GBE1: variants seen among roughly 807,000 people sequenced by gnomAD.
The protein encoded by GBE1 is 1,4-alpha-glucan branching enzyme 1, also known as 1,4-alpha-glucan-branching enzyme.
GBE1 carries 70 observed loss-of-function variants against 88.8 expected under a neutral mutation model. The ratio of observed to expected loss-of-function variants is 0.79; its 90% CI spans 0.65 to 0.96. The LOEUF is 0.96. Among genes scored for constraint, GBE1 ranks in the 40% least tolerant of loss-of-function variants. The probability of loss-of-function intolerance (pLI) is 0.00; values close to 1 mark genes in which losing one functional copy is unlikely to be tolerated. For synonymous variants in GBE1, 284 were observed against 300.1 expected (o/e 0.95, Z 0.56); for missense variants, 872 against 871.0 (o/e 1.00, Z -0.01).
chr3:81,588,301 A>G (rs1270279653), intron 9 of GBE1, among the ~76,000 whole-genome samples: 4 of 152,154 alleles, frequency 2.6e-5, no homozygotes, highest in Admixed American at 1.3e-4. Context: ...ATTTCCACAG[A>G]CAGGATTGGA....
chr3:81,533,363 A>G (rs972599328), intron 14 of GBE1, among the ~76,000 whole-genome samples: 2 of 152,116 alleles, frequency 1.3e-5, no homozygotes, highest in African/African-American at 4.8e-5. Flanking sequence ...GTAGGCATAA[A>G]GAGACAGACA....
In GBE1 at chr3:81,581,242, T is replaced by A; in HGVS notation, c.1369A>T (p.Met457Leu). 6.2e-7 allele frequency: 1 copy of A among 1,600,782 alleles called. No homozygotes were observed. The highest frequency in any genetic ancestry group is 8.5e-7 in the Non-Finnish European group (1 of 1,175,008). Residue 457 changes from methionine (M) to leucine (L), a missense_variant, in exon 11 of 16, where the codon ATG becomes TTG. Met to Leu is a conservative substitution (Grantham distance 15, BLOSUM62 2). Transcript: ENST00000429644. ...LKEFKDEDWN[M>L]GDIVYTLTNR... The stretch of plus-strand genomic sequence containing the variant: ...GTGAGCGTGTATACTATATCGCCCA[T>A]GTTCCAGTCTTCATCTTTAAACTCT...
intron 2 of GBE1, among the ~76,000 whole-genome samples, chr3:81,685,296 C>T (rs1240937711): frequency 6.6e-6 from 1 of 152,078 alleles, no homozygotes; most frequent in Non-Finnish European, 1.5e-5. Context: ...CTCCTTCAGT[C>T]CGTGAGAAAG....
chr3:81,527,419 C>G (rs1398611897), intron 14 of GBE1, among the ~76,000 whole-genome samples: 3 of 152,134 alleles, frequency 2.0e-5, no homozygotes, highest in Non-Finnish European at 4.4e-5. Flanking sequence ...AAACTACCAT[C>G]AGAGTGAACA....
At chr3:81,750,637 A>ATG (rs1559708805) in intron 1 of GBE1, among the ~76,000 whole-genome samples, 2 of 54,334 alleles carry the variant, frequency 3.7e-5, no homozygotes, top group African/African-American at 2.3e-4. Context: ...ATACGTATAT[A>ATG]TATATATGTA....
chr3:81,726,948 G>A (rs1345551250), intron 1 of GBE1, among the ~76,000 whole-genome samples: 1 of 152,082 alleles, frequency 6.6e-6, no homozygotes, highest in East Asian at 1.9e-4. Context: ...TTTCTGGGGT[G>A]GGGCTGACAT....
At chr3:81,585,519 A>C (rs1342597884) in intron 10 of GBE1, among the ~76,000 whole-genome samples, 5 of 152,190 alleles carry the variant, frequency 3.3e-5, no homozygotes, top group African/African-American at 7.2e-5. Context: ...TGAAAAAAAA[A>C]CAAAAAACAC....
chr3:81,704,974 A>G (rs1337504476), intron 2 of GBE1, among the ~76,000 whole-genome samples: 1 of 152,154 alleles, frequency 6.6e-6, no homozygotes, highest in African/African-American at 2.4e-5. Flanking sequence ...GAAATGAGTG[A>G]TGGAGGTTAC....
At chr3:81,737,357 A>C (rs13063290) in intron 1 of GBE1, among the ~76,000 whole-genome samples, 1 of 45,044 alleles carries the variant, frequency 2.2e-5, no homozygotes, top group Non-Finnish European at 4.9e-5. Flanking sequence ...ATAAATATAT[A>C]TTTATATATT....
At chr3:81,660,046 T>C (rs1705001654) in intron 3 of GBE1, among the ~76,000 whole-genome samples, 1 of 152,202 alleles carries the variant, frequency 6.6e-6, no homozygotes, top group Non-Finnish European at 1.5e-5. Flanking sequence ...GATATGTATG[T>C]ACAATGATGA....
chr3:81,525,940 T>C (rs1224343905), intron 14 of GBE1, among the ~76,000 whole-genome samples: 1 of 152,000 alleles, frequency 6.6e-6, no homozygotes, highest in Non-Finnish European at 1.5e-5. Context: ...TTATTAGTCT[T>C]CCTAGCGGTC....
intron 1 of GBE1, among the ~76,000 whole-genome samples, chr3:81,706,930 T>C (rs918828015): frequency 4.0e-5 from 6 of 151,406 alleles, no homozygotes; most frequent in African/African-American, 1.5e-4. Context: ...AATTGAGAAT[T>C]GAAATAATTA....
chr3:81,711,797 CGACAAA>C (rs1559695909), intron 1 of GBE1, among the ~76,000 whole-genome samples: 23 of 152,146 alleles, frequency 1.5e-4, no homozygotes, highest in African/African-American at 5.5e-4. Flanking sequence ...AAGCCGAAAT[CGACAAA>C]TGGGATCTAA....
intron 2 of GBE1, among the ~76,000 whole-genome samples, chr3:81,705,121 G>A (rs548823000): frequency 6.6e-6 from 1 of 152,204 alleles, no homozygotes; most frequent in South Asian, 2.1e-4. Flanking sequence ...TACCTGGATT[G>A]CTATTGGTTT....
At position 81,591,173 on chromosome 3, in the gene GBE1, A is replaced by G; in HGVS notation, c.1109-9T>C. Reference sequence around the variant, plus strand: ...ACCTGAGAAACCTTGACCTTAGAAAAAGAAAATCAATACGGATATATTATG... The same window carrying G: ...ACCTGAGAAACCTTGACCTTAGAAAGAGAAAATCAATACGGATATATTATG... On this transcript the variant is annotated splice_polypyrimidine_tract_variant and intron_variant, in intron 8 of 15. Coordinates refer to ENST00000429644, the MANE Select transcript of GBE1 (RefSeq NM_000158.4). 1 of 1,587,554 alleles carries G rather than the reference A, an allele frequency of 6.3e-7. No homozygotes were observed. The highest frequency in any genetic ancestry group is 8.6e-7 in the Non-Finnish European group (1 of 1,164,164).
At chr3:81,599,717 TAC>T (rs1262324907) in intron 7 of GBE1, among the ~76,000 whole-genome samples, 1 of 152,134 alleles carries the variant, frequency 6.6e-6, no homozygotes. Flanking sequence ...CATAGGTATA[TAC>T]ACACACACCC....
At chr3:81,599,853 AC>A (rs1704008897) in intron 7 of GBE1, among the ~76,000 whole-genome samples, 1 of 152,226 alleles carries the variant, frequency 6.6e-6, no homozygotes, top group Admixed American at 6.5e-5. Context: ...TCATATTAAT[AC>A]CATAATTGGT....
At chr3:81,696,076 T>A (rs1414053104) in intron 2 of GBE1, among the ~76,000 whole-genome samples, 1 of 152,120 alleles carries the variant, frequency 6.6e-6, no homozygotes, top group African/African-American at 2.4e-5. Context: ...TACCTCTAAT[T>A]TTTTTCCTTA....
At chr3:81,555,283 A>G (rs181044266) in intron 12 of GBE1, among the ~76,000 whole-genome samples, 4 of 152,308 alleles carry the variant, frequency 2.6e-5, no homozygotes, top group Admixed American at 2.0e-4. Context: ...CAAACAATCT[A>G]GTATCTTTAA....
Sources: allele counts gnomAD v4.1 joint callset (sites outside exome capture counted in the v4.1 genomes callset), GRCh38; gene constraint gnomAD v4.1.1; transcripts MANE v1.5; gene names NCBI Gene and HGNC (gene_info 2026-07-23, HGNC 2026-07-21).